Variants in ZBTB7C observed in about 807,000 individuals in gnomAD.
The protein encoded by ZBTB7C is zinc finger and BTB domain containing 7C, also known as zinc finger and BTB domain-containing protein 7C.
ZBTB7C carries 8 observed loss-of-function variants against 25.7 expected under a neutral mutation model. The ratio of observed to expected loss-of-function variants is 0.31; its 90% CI spans 0.18 to 0.56. The LOEUF (loss-of-function observed/expected upper bound fraction) is 0.56, where lower values mean the gene tolerates loss of function less well. Among genes scored for constraint, ZBTB7C ranks in the 20% least tolerant of loss-of-function variants. The pLI is 0.91. For missense variants in ZBTB7C, 824 were observed against 855.2 expected (o/e 0.96, Z 0.46); for synonymous variants, 394 against 369.0 (o/e 1.07, Z -0.78).
intron 3 of ZBTB7C, among the ~76,000 whole-genome samples, chr18:48,138,519 C>G (rs2040243249): frequency 6.6e-6 from 1 of 152,164 alleles, no homozygotes. Flanking sequence ...ATGCATCTGT[C>G]AAACCCTCCA....
chr18:48,228,317 A>G (rs1445517565), intron 2 of ZBTB7C, among the ~76,000 whole-genome samples: 2 of 152,166 alleles, frequency 1.3e-5, no homozygotes, highest in Non-Finnish European at 2.9e-5. Flanking sequence ...TTCTGACCAC[A>G]GATGATTTTG....
chr18:48,196,972 G>C (rs989372738), intron 2 of ZBTB7C, among the ~76,000 whole-genome samples: 1 of 152,324 alleles, frequency 6.6e-6, no homozygotes, highest in South Asian at 2.1e-4. Flanking sequence ...CACAACCAAT[G>C]TGTTTCAGGG....
chr18:48,140,954 C>T (rs1202000321), intron 3 of ZBTB7C, among the ~76,000 whole-genome samples: 1 of 152,204 alleles, frequency 6.6e-6, no homozygotes, highest in African/African-American at 2.4e-5. Flanking sequence ...GGTCTCTCTG[C>T]CCCATTCCTG....
chr18:48,315,246 G>A (rs1477118102), intron 2 of ZBTB7C, among the ~76,000 whole-genome samples: 1 of 152,146 alleles, frequency 6.6e-6, no homozygotes, highest in Non-Finnish European at 1.5e-5. Context: ...GTTTGCTGGG[G>A]GTAAATTGGC....
intron 1 of ZBTB7C, among the ~76,000 whole-genome samples, chr18:48,361,195 G>A (rs780179139): frequency 5.3e-5 from 8 of 152,166 alleles, no homozygotes; most frequent in Non-Finnish European, 1.2e-4. Context: ...GAGAGTCACA[G>A]GTGACAGAAT....
chr18:48,383,912 G>T lies in ZBTB7C; in HGVS notation c.-304+25314C>A, dbSNP rs138654553. On this transcript the variant is annotated intron_variant, in intron 1 of 4. Transcript: ENST00000590800. ...TGGAAGCCAGGCTGGATGGAGCCTC[G>T]ACCTAAGCATGGGTATTAGAAAGAT... Among the ~76,000 whole-genome samples, 214 of 152,240 alleles carry T rather than the reference G, an allele frequency of 1.4e-3. 1 individual carries two copies. Among genetic ancestry groups the T allele is most frequent in the African/African-American group, 5.0e-3 (207 of 41,526 alleles).
At chr18:48,144,050 G>A (rs2040427262) in intron 3 of ZBTB7C, among the ~76,000 whole-genome samples, 1 of 152,140 alleles carries the variant, frequency 6.6e-6, no homozygotes, top group African/African-American at 2.4e-5. Context: ...GGCCGAGGTG[G>A]GCGGATCACT....
intron 1 of ZBTB7C, among the ~76,000 whole-genome samples, chr18:48,389,245 G>C (rs1334922550): frequency 5.1e-4 from 53 of 104,454 alleles, no homozygotes; most frequent in African/African-American, 1.2e-3. Flanking sequence ...TCGTGTGTGT[G>C]TGTGTGTGTG....
Position 48,319,475 on chromosome 18 carries a change from C to T in ZBTB7C, c.-79+18699G>A, listed in dbSNP as rs569689254. ...TTATGACCTTGGCACTATGGGGGGA[C>T]GTAATGCTAAATATTCACTCCACAC... On this transcript the variant is annotated intron_variant, in intron 2 of 4. Coordinates refer to ENST00000590800, the MANE Select transcript of ZBTB7C (RefSeq NM_001318841.2). Among the ~76,000 whole-genome samples, 8 of 152,056 alleles carry T rather than the reference C, an allele frequency of 5.3e-5. No homozygotes were observed. The East Asian group carries it at 9.7e-4, about 18-fold the overall frequency.
At chr18:48,383,691 G>C (rs1273000015) in intron 1 of ZBTB7C, among the ~76,000 whole-genome samples, 1 of 152,200 alleles carries the variant, frequency 6.6e-6, no homozygotes, top group African/African-American at 2.4e-5. Context: ...CGAAAAAGGT[G>C]GGGTGGGGAG....
At chr18:48,080,971 C>G (rs1192857129) in intron 3 of ZBTB7C, among the ~76,000 whole-genome samples, 1 of 152,238 alleles carries the variant, frequency 6.6e-6, no homozygotes, top group African/African-American at 2.4e-5. Flanking sequence ...GGTTTGATCT[C>G]TCTCATCAAG....
chr18:48,216,132 C>T (rs1225716100), intron 2 of ZBTB7C, among the ~76,000 whole-genome samples: 1 of 152,210 alleles, frequency 6.6e-6, no homozygotes, highest in Non-Finnish European at 1.5e-5. Flanking sequence ...GAGGAGGAGT[C>T]CATTCAGTCA....
Position 48,398,703 on chromosome 18 carries a change from T to C in ZBTB7C, c.-304+10523A>G, listed in dbSNP as rs563405097. On this transcript the variant is annotated intron_variant, in intron 1 of 4. Coordinates refer to ENST00000590800, the MANE Select transcript of ZBTB7C (RefSeq NM_001318841.2). ...CCCCACCCCCACAACGTGAGCACCA[T>C]CCCTCATGCCCTTTTCTTTGTTCCC... Among the ~76,000 whole-genome samples the C allele has an allele frequency of 2.6e-5, 4 of 151,610 alleles. No homozygotes were observed. The South Asian group carries it at 6.3e-4, about 24-fold the overall frequency.
At chr18:48,083,867 G>A (rs2038083587) in intron 3 of ZBTB7C, 1 of 985,322 alleles carries the variant, frequency 1.0e-6, no homozygotes, top group Non-Finnish European at 1.2e-6. Flanking sequence ...CTCCTATCTT[G>A]TCCCTGAAGA....
rs78097849 is a variant in ZBTB7C at position 48,094,580 on chromosome 18, C to A, written c.-16-53457G>T. ...AGAAGGTAGATTGAGTTCAGGCAGACCTTGGAAGTAGTTTAAAAAAAATTC... is the reference window on the plus strand; with the variant it reads ...AGAAGGTAGATTGAGTTCAGGCAGAACTTGGAAGTAGTTTAAAAAAAATTC... On this transcript the variant is annotated intron_variant, in intron 3 of 4. Coordinates refer to ENST00000590800, the MANE Select transcript of ZBTB7C (RefSeq NM_001318841.2). Among the ~76,000 whole-genome samples, 253 of 152,158 alleles carry A rather than the reference C, an allele frequency of 1.7e-3. 2 individuals carry two copies. Among genetic ancestry groups the A allele is most frequent in the African/African-American group, 4.6e-3 (191 of 41,510 alleles).
At chr18:48,060,910 T>C (rs1000172580) in intron 3 of ZBTB7C, among the ~76,000 whole-genome samples, 1 of 151,746 alleles carries the variant, frequency 6.6e-6, no homozygotes, top group Non-Finnish European at 1.5e-5. Context: ...CCATAGCCCG[T>C]AGAGTGAAAG....
chr18:48,243,460 C>A (rs769592294), intron 2 of ZBTB7C, among the ~76,000 whole-genome samples: 1 of 151,898 alleles, frequency 6.6e-6, no homozygotes, highest in Non-Finnish European at 1.5e-5. Flanking sequence ...AAGAATATAC[C>A]TAACCAAGGA....
chr18:48,091,945 G>A (rs2144556624), intron 3 of ZBTB7C, among the ~76,000 whole-genome samples: 1 of 152,266 alleles, frequency 6.6e-6, no homozygotes, highest in Middle Eastern at 3.4e-3. Context: ...TCCAGTCCTG[G>A]GTCAAGTGGT....
chr18:48,394,475 T>C (rs2047973903), intron 1 of ZBTB7C, among the ~76,000 whole-genome samples: 2 of 152,134 alleles, frequency 1.3e-5, no homozygotes, highest in African/African-American at 4.8e-5. Context: ...TCAGATGCAG[T>C]GGGTTCATTC....
Sources: allele counts gnomAD v4.1 joint callset (sites outside exome capture counted in the v4.1 genomes callset), GRCh38; gene constraint gnomAD v4.1.1; transcripts MANE v1.5; gene names NCBI Gene and HGNC (gene_info 2026-07-23, HGNC 2026-07-21).